SLC9B1: variants seen among roughly 807,000 people sequenced by gnomAD.
SLC9B1 encodes sodium/hydrogen exchanger 9B1.
Under a neutral mutation model 51.7 loss-of-function variants are expected in SLC9B1, and 32 were observed. The ratio of observed to expected loss-of-function variants is 0.62; its 90% CI spans 0.47 to 0.83. The LOEUF (loss-of-function observed/expected upper bound fraction) is 0.83. Among genes scored for constraint, SLC9B1 ranks in the 40% least tolerant of loss-of-function variants. SLC9B1 has a pLI of 0.00. For synonymous variants in SLC9B1, 145 were observed against 212.7 expected (o/e 0.68, Z 2.77); for missense variants, 406 against 613.2 (o/e 0.66, Z 3.57).
At chr4:103,015,303 A>C (rs1741261336) in intron 1 of SLC9B1, among the ~76,000 whole-genome samples, 1 of 151,172 alleles carries the variant, frequency 6.6e-6, no homozygotes, top group Admixed American at 6.6e-5. Context: ...AAAAAAAATC[A>C]GGCCACAATT....
intron 1 of SLC9B1, among the ~76,000 whole-genome samples, chr4:102,992,371 C>G (rs1285667505): frequency 6.6e-6 from 1 of 152,084 alleles, no homozygotes; most frequent in Non-Finnish European, 1.5e-5. Context: ...TATCTTCTCT[C>G]AATTTTTGAG....
At chr4:102,998,705 T>C (rs1740357330) in intron 1 of SLC9B1, among the ~76,000 whole-genome samples, 3 of 152,098 alleles carry the variant, frequency 2.0e-5, no homozygotes. Context: ...TTATTTTCTG[T>C]TTTTTGGTAA....
At chr4:102,896,561 C>T (rs1320302287), downstream of SLC9B1, among the ~76,000 whole-genome samples, 1 of 152,088 alleles carries the variant, frequency 6.6e-6, no homozygotes, top group East Asian at 1.9e-4. Context: ...ACAAACTTCC[C>T]GAGGCTCCAC....
chr4:103,009,276 T>C (rs146021088), intron 1 of SLC9B1, among the ~76,000 whole-genome samples: 61 of 152,344 alleles, frequency 4.0e-4, no homozygotes, highest in African/African-American at 1.1e-3. Context: ...CACAATACTA[T>C]GGGTTTATGC....
rs1347993467 is a variant in SLC9B1 at position 102,954,004 on chromosome 4, C to T, written c.212-4577G>A. Among the ~76,000 whole-genome samples, 2 of 37,632 alleles carry T rather than the reference C, an allele frequency of 5.3e-5. 1 individual carries two copies. The highest frequency in any genetic ancestry group is 8.5e-5 in the Non-Finnish European group (2 of 23,424). The allele number at this position is 37,632 out of a possible 152,430, so 24.7% of individuals were successfully genotyped here. On this transcript the variant is annotated intron_variant, in intron 3 of 11. Coordinates refer to ENST00000296422, the MANE Select transcript of SLC9B1 (RefSeq NM_139173.4). ...ATTGCCCTGGCCAGAACTTCCAACA[C>T]TATGTTGAATAGGAGCGGTGAGAGA...
chr4:102,990,696 A>C (rs1403594277), intron 2 of SLC9B1, among the ~76,000 whole-genome samples: 2 of 151,870 alleles, frequency 1.3e-5, no homozygotes, highest in Non-Finnish European at 2.9e-5. Context: ...CAGCAATTTG[A>C]GTGACTTGAT....
intron 1 of SLC9B1, among the ~76,000 whole-genome samples, chr4:103,014,174 C>T (rs1741209159): frequency 6.6e-6 from 1 of 152,206 alleles, no homozygotes; most frequent in Admixed American, 6.5e-5. Context: ...TTTAGCCATA[C>T]TAAATTTTTG....
intron 1 of SLC9B1, among the ~76,000 whole-genome samples, chr4:103,010,546 A>G (rs911384870): frequency 5.3e-5 from 8 of 152,038 alleles, no homozygotes; most frequent in Non-Finnish European, 7.4e-5. Flanking sequence ...GTAATTTATA[A>G]ATAACAAAAA....
intron 7 of SLC9B1, among the ~76,000 whole-genome samples, chr4:102,914,190 CAGAACTAGTTG>C (rs1560924034): frequency 1.4e-5 from 2 of 141,692 alleles, no homozygotes; most frequent in African/African-American, 5.5e-5. Context: ...GGTGGGATGG[CAGAACTAGTTG>C]AGCCATTATT....
chr4:103,007,417 G>A (rs1269906217), intron 1 of SLC9B1, among the ~76,000 whole-genome samples: 1 of 152,116 alleles, frequency 6.6e-6, no homozygotes, highest in Non-Finnish European at 1.5e-5. Flanking sequence ...AACCAGGGAA[G>A]TGAAGGATCT....
At chr4:102,992,246 CTAGATGAATAAAATAATAAT>C (rs879780765) in intron 1 of SLC9B1, among the ~76,000 whole-genome samples, 1 of 152,048 alleles carries the variant, frequency 6.6e-6, no homozygotes, top group Non-Finnish European at 1.5e-5. Flanking sequence ...GAAGAATAAA[CTAGATGAATAAAATAATAAT>C]TACTTATAAC....
intron 7 of SLC9B1, among the ~76,000 whole-genome samples, chr4:102,925,945 T>G (rs1271503741): frequency 2.6e-5 from 4 of 152,126 alleles, no homozygotes; most frequent in African/African-American, 9.7e-5. Context: ...GTTCAACATA[T>G]GTAACTCAAT....
chr4:102,889,809 A>G (rs1433973442), intron 11 of SLC9B1: 1 of 152,208 alleles, frequency 6.6e-6, no homozygotes, highest in Non-Finnish European at 1.5e-5. Flanking sequence ...ACACAATTTT[A>G]TCTTGTCCAT....
At chr4:102,999,532 A>G (rs1740407819) in intron 1 of SLC9B1, among the ~76,000 whole-genome samples, 1 of 152,182 alleles carries the variant, frequency 6.6e-6, no homozygotes, top group Admixed American at 6.5e-5. Flanking sequence ...AAGGTCATAT[A>G]ACATTGTCTA....
chr4:102,937,433 A>AC (rs1736775234), intron 6 of SLC9B1, among the ~76,000 whole-genome samples: 1 of 148,410 alleles, frequency 6.7e-6, no homozygotes, highest in South Asian at 2.1e-4. Flanking sequence ...AAAAAAAAAA[A>AC]AAAAAAAACT....
intron 6 of SLC9B1, among the ~76,000 whole-genome samples, chr4:102,939,239 A>G (rs1736870946): frequency 6.6e-6 from 1 of 151,858 alleles, no homozygotes; most frequent in African/African-American, 2.4e-5. Flanking sequence ...AAAAACTCTC[A>G]GAGACTACGA....
At chr4:102,975,180 T>C (rs1291199591) in intron 3 of SLC9B1, among the ~76,000 whole-genome samples, 1 of 151,974 alleles carries the variant, frequency 6.6e-6, no homozygotes, top group Non-Finnish European at 1.5e-5. Flanking sequence ...TTTAAAAAAG[T>C]TTTTATTTTG....
chr4:102,919,630 G>T (rs1382745479), intron 7 of SLC9B1, among the ~76,000 whole-genome samples: 1 of 152,196 alleles, frequency 6.6e-6, no homozygotes. Flanking sequence ...AAGCACAAGG[G>T]GTTGGGGGAT....
At chr4:103,001,582 C>G (rs1211549313) in intron 1 of SLC9B1, among the ~76,000 whole-genome samples, 3 of 152,160 alleles carry the variant, frequency 2.0e-5, no homozygotes, top group African/African-American at 7.2e-5. Context: ...CCAATAAGCT[C>G]CCATCTCCAT....
Sources: gnomAD v4.1 joint callset for allele counts (sites outside exome capture counted in the v4.1 genomes callset) on GRCh38, gnomAD v4.1.1 for gene constraint, MANE v1.5 for transcripts, NCBI Gene and HGNC (gene_info 2026-07-23, HGNC 2026-07-21) for gene names.